ATP9A: variants seen among roughly 807,000 people sequenced by gnomAD.
The protein encoded by ATP9A is ATPase phospholipid transporting 9A, also known as probable phospholipid-transporting ATPase IIA.
Under a neutral mutation model 144.1 loss-of-function variants are expected in ATP9A, and 52 were observed. The ratio of observed to expected loss-of-function variants is 0.36; its 90% confidence interval spans 0.29 to 0.45. The LOEUF (loss-of-function observed/expected upper bound fraction) is 0.45. Ranked by LOEUF, ATP9A falls within the 20% of genes least tolerant of loss-of-function variation. The pLI is 1.00. For missense variants in ATP9A, 947 were observed against 1,392.7 expected, an observed-to-expected ratio of 0.68 and a Z score of 5.09; for synonymous variants, 582 against 557.4, an observed-to-expected ratio of 1.04 and a Z score of -0.62.
chr20:51,763,548 C>T (rs1048823522), intron 1 of ATP9A, among the ~76,000 whole-genome samples: 5 of 151,570 alleles, frequency 3.3e-5, no homozygotes, highest in Non-Finnish European at 5.9e-5. Context: ...CTCCTGACCT[C>T]CTGATCCGCC....
At chr20:51,637,607 C>A (rs2122743361) in intron 15 of ATP9A, among the ~76,000 whole-genome samples, 1 of 152,082 alleles carries the variant, frequency 6.6e-6, no homozygotes, top group South Asian at 2.1e-4. Context: ...ACAAGCCAAG[C>A]CTTAGCTGAA....
chr20:51,755,080 T>G (rs1050028050), intron 1 of ATP9A, among the ~76,000 whole-genome samples: 3 of 151,916 alleles, frequency 2.0e-5, no homozygotes, highest in Admixed American at 6.6e-5. Context: ...ACTGCACCAC[T>G]GCACTCCAGC....
chr20:51,607,633 C>A (rs755232436), intron 25 of ATP9A, 49 bp from the exon 26 acceptor site: 2 of 1,424,922 alleles, frequency 1.4e-6, no homozygotes, highest in Non-Finnish European at 9.9e-7. Context: ...GGGGGGCTCA[C>A]GCAGCATGCC....
intron 3 of ATP9A, among the ~76,000 whole-genome samples, chr20:51,713,512 T>G (rs2077648943): frequency 1.3e-5 from 2 of 152,166 alleles, no homozygotes; most frequent in South Asian, 4.1e-4. Flanking sequence ...GAGATCCCCA[T>G]GCAGATGAGG....
At chr20:51,737,621 T>C (rs1003541765) in intron 1 of ATP9A, among the ~76,000 whole-genome samples, 1 of 152,156 alleles carries the variant, frequency 6.6e-6, no homozygotes, top group African/African-American at 2.4e-5. Flanking sequence ...AAAAAGAGAA[T>C]TGTTGGATGA....
In ATP9A at chr20:51,676,308, C is replaced by CTT. The variant is rs757176327; in HGVS notation, c.800-102_800-101dup. On this transcript the variant is annotated intron_variant, in intron 9 of 27. Transcript: ENST00000338821. ...TCTGATCCTCTTGAGAGACTGGGTT[C>CTT]TTTTTTTTTTTTGAGACAGAGTCTT... 5.8e-3 allele frequency: 3,930 copies of CTT among 681,678 alleles called. 91 individuals carry two copies. In the African/African-American group the frequency reaches 0.063, roughly 11 times the overall value. 42.2% of individuals were successfully genotyped at this position (681,678 alleles called of 1,614,324 possible).
At chr20:51,612,350 T>C (rs6013229) in intron 23 of ATP9A, among the ~76,000 whole-genome samples, 72,141 of 152,040 alleles carry the variant, frequency 0.47, 17,593 homozygotes, top group African/African-American at 0.58. Flanking sequence ...AGCTTTTTAA[T>C]ACCAAAAATA....
chr20:51,601,710 A>G (rs2077143920), intron 27 of ATP9A, among the ~76,000 whole-genome samples: 1 of 152,208 alleles, frequency 6.6e-6, no homozygotes, highest in African/African-American at 2.4e-5. Context: ...GTTTGAGACC[A>G]GCTTGGGCAA....
rs968517272 is a variant in ATP9A, at chr20:51,620,813, C to A, written c.2115+1261G>T. On this transcript the variant is annotated intron_variant, in intron 19 of 27. Coordinates refer to ENST00000338821, the MANE Select transcript of ATP9A (RefSeq NM_006045.3). ...GGAGGGGGGAGTGCGTGAGCTTGTT[C>A]AGCCTCAGGTGGGAATGTGTGTCTC... 2.6e-5 allele frequency among the ~76,000 whole-genome samples: 4 copies of A among 152,260 alleles called. No individual in the cohort carries two copies. In the South Asian group the frequency reaches 8.3e-4, roughly 32 times the overall value.
intron 1 of ATP9A, among the ~76,000 whole-genome samples, chr20:51,767,677 G>A (rs2077911273): frequency 6.6e-6 from 1 of 152,156 alleles, no homozygotes; most frequent in Non-Finnish European, 1.5e-5. Flanking sequence ...GAACACAAGG[G>A]GTAGTGTCAC....
At chr20:51,614,865 T>G (rs1423556232) in intron 22 of ATP9A, among the ~76,000 whole-genome samples, 1 of 152,044 alleles carries the variant, frequency 6.6e-6, no homozygotes, top group Non-Finnish European at 1.5e-5. Flanking sequence ...GAGAAACGTG[T>G]TCTACAATAA....
Position 51,612,995 on chromosome 20 carries a change from T to C in ATP9A, c.2571+682A>G, listed in dbSNP as rs552494006. On this transcript the variant is annotated intron_variant, in intron 23 of 27. Coordinates refer to ENST00000338821, the MANE Select transcript of ATP9A (RefSeq NM_006045.3). ...CGAGTGTATCAAGAAGGTACTCAGA[T>C]TGTGACTGCAGGCTTTGAGGTCCAC... is the stretch of plus-strand genomic sequence containing the variant. Among the ~76,000 whole-genome samples the C allele has an allele frequency of 5.5e-4, 84 of 152,222 alleles. No individual in the cohort carries two copies. In the South Asian group the frequency reaches 0.015, roughly 27 times the overall value.
At chr20:51,651,355 A>G (rs1368430136) in intron 14 of ATP9A, among the ~76,000 whole-genome samples, 2 of 142,424 alleles carry the variant, frequency 1.4e-5, no homozygotes, top group African/African-American at 2.6e-5. Context: ...TATAATATAT[A>G]TTTACATTAT....
At position 51,616,431 on chromosome 20, in the gene ATP9A, G is replaced by T. The variant is rs559622427; in HGVS notation, c.2415+1059C>A. Among the ~76,000 whole-genome samples, 269 of 152,250 alleles carry T rather than the reference G, an allele frequency of 1.8e-3. 1 individual carries two copies. Among genetic ancestry groups the T allele is most frequent in the Non-Finnish European group, 2.9e-3 (195 of 68,032 alleles). Reference sequence around the variant, plus strand: ...CCTCCTGGGTTCAAGTGATTCTCCTGCCTCAGCCTCCTGAGTAGCTGGGAT... The same window carrying T: ...CCTCCTGGGTTCAAGTGATTCTCCTTCCTCAGCCTCCTGAGTAGCTGGGAT... On this transcript the variant is annotated intron_variant, in intron 22 of 27. Transcript: ENST00000338821.
intron 23 of ATP9A, 84 bp from the exon 24 acceptor site, chr20:51,610,249 T>A: frequency 8.9e-7 from 1 of 1,125,818 alleles, no homozygotes; most frequent in South Asian, 1.3e-5. Flanking sequence ...ACCTGATACT[T>A]ACATAACACC....
intron 9 of ATP9A, among the ~76,000 whole-genome samples, chr20:51,677,095 G>A (rs532073943): frequency 6.6e-6 from 1 of 151,186 alleles, no homozygotes; most frequent in Non-Finnish European, 1.5e-5. Context: ...CACCATGCTT[G>A]GCTAATTTTT....
chr20:51,647,189 C>A (rs1302785647), intron 14 of ATP9A, among the ~76,000 whole-genome samples: 1 of 152,068 alleles, frequency 6.6e-6, no homozygotes, highest in Non-Finnish European at 1.5e-5. Flanking sequence ...TATCACTTGA[C>A]TGATAAAAAT....
chr20:51,725,460 C>A (rs949082261), intron 3 of ATP9A, among the ~76,000 whole-genome samples: 5 of 152,132 alleles, frequency 3.3e-5, no homozygotes, highest in Admixed American at 6.5e-5. Context: ...TTGGGATGCT[C>A]AACCTGTGAT....
chr20:51,667,625 A>G (rs1180913719), intron 13 of ATP9A, among the ~76,000 whole-genome samples: 1 of 152,182 alleles, frequency 6.6e-6, no homozygotes, highest in Non-Finnish European at 1.5e-5. Context: ...ACTCCACCAC[A>G]GAGCTGATGG....
Sources: allele counts gnomAD v4.1 joint callset (sites outside exome capture counted in the v4.1 genomes callset), GRCh38; gene constraint gnomAD v4.1.1; transcripts MANE v1.5; gene names NCBI Gene and HGNC (gene_info 2026-07-23, HGNC 2026-07-21).